The following MYO1H variants were observed in gnomAD, a reference collection of about 807,000 sequenced individuals.
MYO1H encodes myosin IH, also known as unconventional myosin-Ih.
In MYO1H, 118 loss-of-function variants were observed where a neutral mutation model predicts 149.3. The observed-to-expected ratio is 0.79, with a 90% CI of 0.68 to 0.92. The LOEUF (loss-of-function observed/expected upper bound fraction) is 0.92, where lower values mean the gene tolerates loss of function less well. MYO1H is among the 40% of genes least tolerant of loss of function. The pLI is 0.00. For missense variants in MYO1H, 1,212 were observed against 1,280.7 expected (o/e 0.95, Z 0.82); for synonymous variants, 447 against 465.2 (o/e 0.96, Z 0.50).
chr12:109,337,988 G>C, the MYO1H span, among the ~76,000 whole-genome samples: 1 of 152,016 alleles, frequency 6.6e-6, no homozygotes. Context: ...CAAGGGTTTA[G>C]TTTAGGGGTT....
chr12:109,321,507 T>A, the MYO1H span, among the ~76,000 whole-genome samples: 21 of 151,714 alleles, frequency 1.4e-4, no homozygotes, highest in South Asian at 4.2e-4. Context: ...GAGCCGAGAT[T>A]GTGCCACTGC....
At chr12:109,433,339 G>A (rs762343175) in intron 20 of MYO1H, among the ~76,000 whole-genome samples, 1 of 152,196 alleles carries the variant, frequency 6.6e-6, no homozygotes, top group Non-Finnish European at 1.5e-5. Flanking sequence ...TCCCATGTAC[G>A]CATGACCTGC....
the MYO1H span, among the ~76,000 whole-genome samples, chr12:109,314,161 A>ATT: frequency 3.4e-4 from 51 of 151,904 alleles, no homozygotes; most frequent in South Asian, 7.1e-3. Flanking sequence ...CTGGGATTAC[A>ATT]GGCGTGAGCC....
chr12:109,444,417 T>C lies in MYO1H; in HGVS notation c.2896-15T>C, dbSNP rs769924617. ...GTGAATACTGAAATTATGCCTTGTCTCCTCCCCACCCCAGGGGGATGCCGT... is the reference window on the plus strand; with the variant it reads ...GTGAATACTGAAATTATGCCTTGTCCCCTCCCCACCCCAGGGGGATGCCGT... On this transcript the variant is annotated splice_polypyrimidine_tract_variant and intron_variant, in intron 29 of 31. Coordinates refer to ENST00000310903, the Ensembl canonical transcript of MYO1H. 6.2e-7 allele frequency: 1 copy of C among 1,610,354 alleles called. No individual in the cohort carries two copies. The highest frequency in any genetic ancestry group is 1.7e-5 in the Admixed American group (1 of 59,990).
rs540889029 is a variant in MYO1H, at chr12:109,384,936, C to A, written c.13-3747C>A. 3.9e-4 allele frequency among the ~76,000 whole-genome samples: 60 copies of A among 152,206 alleles called. 1 individual carries two copies. The highest frequency in any genetic ancestry group is 6.8e-4 in the Non-Finnish European group (46 of 68,040). ...CAATTTAATAGAGGCTCATTGACTCCTAATCAGCAGACTTGCTTTACTATG... is the reference window on the plus strand; with the variant it reads ...CAATTTAATAGAGGCTCATTGACTCATAATCAGCAGACTTGCTTTACTATG... On this transcript the variant is annotated intron_variant, in intron 1 of 31. Coordinates refer to ENST00000310903, the Ensembl canonical transcript of MYO1H.
chr12:109,345,268 CAAAG>C (rs1405369000), upstream of MYO1H, among the ~76,000 whole-genome samples: 4 of 152,060 alleles, frequency 2.6e-5, no homozygotes, highest in South Asian at 8.3e-4. Context: ...AACAAAAAGA[CAAAG>C]AACCCATCTT....
the MYO1H span, among the ~76,000 whole-genome samples, chr12:109,327,793 A>G: frequency 6.7e-6 from 1 of 150,210 alleles, no homozygotes; most frequent in Admixed American, 6.6e-5. Flanking sequence ...CTTCTGCCTG[A>G]TGTGGTGTCT....
At chr12:109,371,233 T>TG (rs1868977979) in intron 1 of MYO1H, among the ~76,000 whole-genome samples, 1 of 144,304 alleles carries the variant, frequency 6.9e-6, no homozygotes, top group South Asian at 2.1e-4. Flanking sequence ...TTTTTTTTTT[T>TG]GAAATAGGGT....
intron 16 of MYO1H, among the ~76,000 whole-genome samples, chr12:109,421,724 G>A (rs577978591): frequency 3.0e-4 from 45 of 152,268 alleles, no homozygotes; most frequent in South Asian, 1.0e-3. Flanking sequence ...GCCACATCAT[G>A]AGGTGGGGGC....
chr12:109,434,891 C>A, intron 20 of MYO1H, 146 bp from the exon 21 acceptor site: 1 of 587,834 alleles, frequency 1.7e-6, no homozygotes, highest in Non-Finnish European at 3.0e-6. Context: ...TCTATCCTTA[C>A]CTCAATCACA....
the MYO1H span, among the ~76,000 whole-genome samples, chr12:109,331,745 A>G: frequency 3.3e-5 from 5 of 151,902 alleles, no homozygotes; most frequent in African/African-American, 7.3e-5. Context: ...CCGTGCAATT[A>G]CTCTCCCTCC....
intron 1 of MYO1H, among the ~76,000 whole-genome samples, chr12:109,366,921 G>A (rs774364917): frequency 6.6e-6 from 1 of 152,140 alleles, no homozygotes; most frequent in African/African-American, 2.4e-5. Context: ...CAAAGGAAAC[G>A]GTCATTGGAG....
chr12:109,337,898 G>A, the MYO1H span, among the ~76,000 whole-genome samples: 1 of 152,172 alleles, frequency 6.6e-6, no homozygotes. Context: ...CAGTTGGGAT[G>A]TTTGGCAACG....
intron 1 of MYO1H, among the ~76,000 whole-genome samples, chr12:109,351,448 G>A (rs372982460): frequency 1.3e-5 from 2 of 152,262 alleles, no homozygotes; most frequent in African/African-American, 4.8e-5. Context: ...ATATTTTAAG[G>A]TAACTTCCTA....
At chr12:109,408,137 A>G (rs1373032871) in intron 10 of MYO1H, among the ~76,000 whole-genome samples, 1 of 152,164 alleles carries the variant, frequency 6.6e-6, no homozygotes, top group Non-Finnish European at 1.5e-5. Flanking sequence ...TGCTTGTGGT[A>G]TGCCAGATAG....
chr12:109,394,357 CATTA>C (rs1869802004), intron 3 of MYO1H, among the ~76,000 whole-genome samples: 1 of 152,168 alleles, frequency 6.6e-6, no homozygotes, highest in Non-Finnish European at 1.5e-5. Context: ...GTTAGTTACA[CATTA>C]ATTCAGAGTT....
the MYO1H span, among the ~76,000 whole-genome samples, chr12:109,335,662 TG>T: frequency 6.6e-6 from 1 of 152,182 alleles, no homozygotes. Context: ...TAAAATTATT[TG>T]GGGGATGATT....
chr12:109,365,893 G>A (rs917358671), intron 1 of MYO1H, among the ~76,000 whole-genome samples: 1 of 152,122 alleles, frequency 6.6e-6, no homozygotes, highest in Non-Finnish European at 1.5e-5. Flanking sequence ...ATGAGTGGTG[G>A]GTGAGCTAGC....
At chr12:109,396,459 G>A in exon 4 of MYO1H, 3 of 1,614,030 alleles carry the variant, frequency 1.9e-6, no homozygotes, top group Non-Finnish European at 1.7e-6. Context: ...TTTCTGGAGA[G>A]AGTGGGGCAG....
Sources: allele counts gnomAD v4.1 joint callset (sites outside exome capture counted in the v4.1 genomes callset), GRCh38; gene constraint gnomAD v4.1.1; transcripts MANE v1.5; gene names NCBI Gene and HGNC (gene_info 2026-07-23, HGNC 2026-07-21).